Variants in CHST11 observed in about 807,000 individuals in gnomAD.
The protein encoded by CHST11 is C4S-1.
A neutral mutation model predicts 30.4 loss-of-function variants in CHST11; 9 were observed. That is an observed-to-expected ratio of 0.30 (90% confidence interval 0.18 to 0.52). The LOEUF (loss-of-function observed/expected upper bound fraction) is 0.52, where lower values mean the gene tolerates loss of function less well. Among genes scored for constraint, CHST11 ranks in the 20% least tolerant of loss-of-function variants. The probability of loss-of-function intolerance (pLI) is 0.97; values close to 1 mark genes in which losing one functional copy is unlikely to be tolerated. For synonymous variants in CHST11, 152 were observed against 187.8 expected, an observed-to-expected ratio of 0.81 and a Z score of 1.56; for missense variants, 348 against 460.6, an observed-to-expected ratio of 0.76 and a Z score of 2.24.
intron 1 of CHST11, among the ~76,000 whole-genome samples, chr12:104,522,296 T>G (rs1655856959): frequency 6.6e-6 from 1 of 152,180 alleles, no homozygotes; most frequent in South Asian, 2.1e-4. Context: ...CCGTGTTATT[T>G]TTAATCTGTA....
intron 1 of CHST11, among the ~76,000 whole-genome samples, chr12:104,556,623 A>G (rs1008096678): frequency 1.3e-5 from 2 of 152,102 alleles, no homozygotes; most frequent in Admixed American, 6.5e-5. Flanking sequence ...CTCACCTGAC[A>G]TTCTGCCCTG....
chr12:104,493,951 G>A (rs563047057), intron 1 of CHST11, among the ~76,000 whole-genome samples: 5 of 152,316 alleles, frequency 3.3e-5, no homozygotes, highest in African/African-American at 9.6e-5. Context: ...AGCCTCCCAA[G>A]TAGCTGGGAC....
rs1182426224 is a variant in CHST11 at position 104,676,830 on chromosome 12, G to T, written c.204+74839G>T. On this transcript the variant is annotated intron_variant, in intron 2 of 2. Coordinates refer to ENST00000303694, the MANE Select transcript of CHST11 (RefSeq NM_018413.6). This position sits in a 1 kb window ranked among gnomAD's most constrained non-coding sequence, Gnocchi z 4.4. Reference sequence around the variant, plus strand: ...TTGCCATGGAAGGTCACATTCACAGGTTCCAGGGATTAGGATGCGGCCTTT... The same window carrying T: ...TTGCCATGGAAGGTCACATTCACAGTTTCCAGGGATTAGGATGCGGCCTTT... Among the ~76,000 whole-genome samples the T allele has an allele frequency of 1.3e-5, 2 of 152,178 alleles. No individual in the cohort carries two copies. The highest frequency in any genetic ancestry group is 2.9e-5 in the Non-Finnish European group (2 of 68,036).
intron 1 of CHST11, among the ~76,000 whole-genome samples, chr12:104,502,629 T>C (rs2037862716): frequency 6.6e-6 from 1 of 152,116 alleles, no homozygotes; most frequent in Admixed American, 6.6e-5. Flanking sequence ...GAGCACCAGG[T>C]GTTAAATTGG....
At chr12:104,690,884 G>A (rs990804521) in intron 2 of CHST11, among the ~76,000 whole-genome samples, 7 of 152,126 alleles carry the variant, frequency 4.6e-5, no homozygotes, top group South Asian at 2.1e-4. Context: ...CAGAGTGATC[G>A]GGGAATGTCA....
At chr12:104,705,390 G>T (rs1341795905) in intron 2 of CHST11, among the ~76,000 whole-genome samples, 1 of 152,160 alleles carries the variant, frequency 6.6e-6, no homozygotes, top group African/African-American at 2.4e-5. Context: ...AGGACCAGGG[G>T]TCGCAGGTAT....
At chr12:104,508,506 A>G (rs1025627540) in intron 1 of CHST11, among the ~76,000 whole-genome samples, 3 of 152,242 alleles carry the variant, frequency 2.0e-5, no homozygotes, top group Non-Finnish European at 2.9e-5. Flanking sequence ...TGTTGAAGCA[A>G]GGGTGTGCAT....
chr12:104,479,862 C>G (rs1270994581), intron 1 of CHST11, among the ~76,000 whole-genome samples: 1 of 152,178 alleles, frequency 6.6e-6, no homozygotes, highest in Non-Finnish European at 1.5e-5. Context: ...GATGGCTCAC[C>G]ACCATGTCTG....
At chr12:104,574,639 C>T (rs1402694612) in intron 1 of CHST11, among the ~76,000 whole-genome samples, 1 of 150,876 alleles carries the variant, frequency 6.6e-6, no homozygotes, top group East Asian at 2.0e-4. Flanking sequence ...TGTTCTCACT[C>T]ATAGGTGGGA....
intron 2 of CHST11, among the ~76,000 whole-genome samples, chr12:104,628,887 G>T (rs981728198): frequency 6.6e-6 from 1 of 152,152 alleles, no homozygotes; most frequent in Non-Finnish European, 1.5e-5. Flanking sequence ...ATTTATTGCT[G>T]TCTTCCTCAT....
chr12:104,615,066 A>G (rs1215778090), intron 2 of CHST11, among the ~76,000 whole-genome samples: 1 of 152,188 alleles, frequency 6.6e-6, no homozygotes, highest in African/African-American at 2.4e-5. Flanking sequence ...ACTGGGAGAC[A>G]CTTGACAGAT....
intron 2 of CHST11, among the ~76,000 whole-genome samples, chr12:104,674,715 T>C (rs1476976520): frequency 1.4e-5 from 2 of 147,752 alleles, no homozygotes; most frequent in African/African-American, 4.9e-5. Flanking sequence ...GGATTAGACT[T>C]TTTTTTTTCA....
intron 1 of CHST11, among the ~76,000 whole-genome samples, chr12:104,587,709 A>G (rs999830053): frequency 2.6e-5 from 4 of 152,152 alleles, no homozygotes; most frequent in Non-Finnish European, 5.9e-5. Flanking sequence ...AAGTATTTAC[A>G]TAATAGAAAT....
chr12:104,655,922 A>G (rs2136084822), intron 2 of CHST11, among the ~76,000 whole-genome samples: 1 of 152,326 alleles, frequency 6.6e-6, no homozygotes, highest in East Asian at 1.9e-4. Flanking sequence ...CAGCTCAAAA[A>G]TGGCAGAGCT....
chr12:104,503,155 C>T (rs910884618), intron 1 of CHST11, among the ~76,000 whole-genome samples: 1 of 152,200 alleles, frequency 6.6e-6, no homozygotes, highest in Non-Finnish European at 1.5e-5. Flanking sequence ...ATCCAGACAT[C>T]GTCAGGGTGG....
chr12:104,587,645 G>A (rs542793712), intron 1 of CHST11, among the ~76,000 whole-genome samples: 5 of 152,214 alleles, frequency 3.3e-5, no homozygotes, highest in South Asian at 2.1e-4. Context: ...CAATCCACCC[G>A]CCTTAGCCTT....
intron 1 of CHST11, among the ~76,000 whole-genome samples, chr12:104,510,483 GAA>G (rs2037953714): frequency 1.3e-5 from 2 of 152,202 alleles, no homozygotes; most frequent in Admixed American, 1.3e-4. Context: ...AGAGCTGCAG[GAA>G]ACACCATGCC....
At chr12:104,556,730 C>T (rs60941296) in intron 1 of CHST11, among the ~76,000 whole-genome samples, 2,458 of 152,228 alleles carry the variant, frequency 0.016, 116 homozygotes, top group East Asian at 0.15. Flanking sequence ...CCTGTAATCC[C>T]AGCACTTTGG....
At chr12:104,466,691 C>T (rs953419005) in intron 1 of CHST11, among the ~76,000 whole-genome samples, 1 of 152,210 alleles carries the variant, frequency 6.6e-6, no homozygotes, top group African/African-American at 2.4e-5. Flanking sequence ...GAACGATGAG[C>T]AAATAATCAC....
Sources: gnomAD v4.1 joint callset for allele counts (sites outside exome capture counted in the v4.1 genomes callset) on GRCh38, gnomAD v4.1.1 for gene constraint, Gnocchi (gnomAD v3.1) non-coding constraint, MANE v1.5 for transcripts, NCBI Gene and HGNC (gene_info 2026-07-23, HGNC 2026-07-21) for gene names.